The following NLK variants were observed in gnomAD, a reference collection of about 807,000 sequenced individuals.
NLK encodes the protein serine/threonine-protein kinase NLK.
Under a neutral mutation model 59.0 loss-of-function variants are expected in NLK, and 11 were observed. That is an observed-to-expected ratio of 0.19 (90% CI 0.12 to 0.31). The LOEUF (loss-of-function observed/expected upper bound fraction) is 0.31, where lower values mean the gene tolerates loss of function less well. Ranked by LOEUF, NLK falls within the 10% of genes least tolerant of loss-of-function variation. The pLI is 1.00. For missense variants in NLK, 410 were observed against 661.1 expected (o/e 0.62, Z 4.16); for synonymous variants, 235 against 235.9 (o/e 1.00, Z 0.03).
At chr17:28,127,773 A>G (rs1171964500) in intron 2 of NLK, among the ~76,000 whole-genome samples, 1 of 152,230 alleles carries the variant, frequency 6.6e-6, no homozygotes, top group Non-Finnish European at 1.5e-5. Flanking sequence ...AAAAGATACA[A>G]AATAGCCCAG....
chr17:28,097,850 A>G (rs1335892572), intron 1 of NLK, among the ~76,000 whole-genome samples: 2 of 152,238 alleles, frequency 1.3e-5, no homozygotes, highest in East Asian at 3.9e-4. Context: ...TGACAAATTG[A>G]ATTTCCATTT....
chr17:28,123,506 G>A (rs577669744), intron 2 of NLK, among the ~76,000 whole-genome samples: 3 of 152,270 alleles, frequency 2.0e-5, no homozygotes, highest in East Asian at 1.9e-4. Context: ...ATATTTAGCC[G>A]AGGAATAATA....
intron 6 of NLK, among the ~76,000 whole-genome samples, chr17:28,169,721 C>CTTTTTTTTTTTTTTTTTTTTTTT (rs1193124964): frequency 1.8e-5 from 2 of 111,620 alleles, no homozygotes; most frequent in African/African-American, 6.8e-5. Context: ...GCTTCTTCTT[C>CTTTTTTTTTTTTTTTTTTTTTTT]TTTTTTTTTT....
At chr17:28,069,785 C>A (rs976755780) in intron 1 of NLK, among the ~76,000 whole-genome samples, 3 of 152,002 alleles carry the variant, frequency 2.0e-5, no homozygotes, top group African/African-American at 7.3e-5. Context: ...GAATACCAGC[C>A]TTTTGACAGA....
intron 4 of NLK, among the ~76,000 whole-genome samples, chr17:28,162,761 C>G (rs993643950): frequency 6.6e-6 from 1 of 151,958 alleles, no homozygotes; most frequent in Admixed American, 6.6e-5. Context: ...CCAAAAAAGA[C>G]TCAGCCCATT....
Position 28,164,935 on chromosome 17 carries a change from C to T in NLK, c.837+1307C>T, listed in dbSNP as rs372231575. 9.0e-4 allele frequency among the ~76,000 whole-genome samples: 137 copies of T among 151,992 alleles called. 1 individual carries two copies. Among genetic ancestry groups the T allele is most frequent in the African/African-American group, 3.2e-3 (132 of 41,484 alleles). ...ATACTGCTTATGAATGAAAATTCTC[C>T]CTTCATTATAGCCTTGAAGAACCCT... On this transcript the variant is annotated intron_variant, in intron 5 of 10. Transcript: ENST00000407008.
intron 8 of NLK, among the ~76,000 whole-genome samples, chr17:28,190,468 A>C (rs1278711052): frequency 1.3e-5 from 2 of 152,140 alleles, no homozygotes; most frequent in African/African-American, 4.8e-5. Flanking sequence ...GAAAACAAAA[A>C]GCTAGACTAG....
In NLK at chr17:28,167,134, G is replaced by C. The variant is rs113225935; in HGVS notation, c.838-1314G>C. Among the ~76,000 whole-genome samples, 5 of 152,296 alleles carry C rather than the reference G, an allele frequency of 3.3e-5. 1 individual carries two copies. The highest frequency in any genetic ancestry group is 1.2e-4 in the African/African-American group (5 of 41,572). ...TCACATATATTTCATAAAGACGACA[G>C]ACACAGTCTCAGCTAAGGAGACCTT... On this transcript the variant is annotated intron_variant, in intron 5 of 10. Coordinates refer to ENST00000407008, the MANE Select transcript of NLK (RefSeq NM_016231.5).
Position 28,177,304 on chromosome 17 carries a change from A to G in NLK, c.1149+4686A>G, listed in dbSNP as rs76342730. 5.3e-3 allele frequency among the ~76,000 whole-genome samples: 801 copies of G among 152,354 alleles called. 13 individuals carry two copies. The highest frequency in any genetic ancestry group is 0.018 in the African/African-American group (736 of 41,590). ...GTATACATATACAGAAGGAGAACCT[A>G]TTTGACTGTCATCTTAAAGTCACAG... On this transcript the variant is annotated intron_variant, in intron 7 of 10. Transcript: ENST00000407008.
downstream of NLK, among the ~76,000 whole-genome samples, chr17:28,200,368 A>G (rs559821084): frequency 6.6e-6 from 1 of 152,190 alleles, no homozygotes; most frequent in Non-Finnish European, 1.5e-5. Context: ...CTCTTTTTGT[A>G]TATGAATGTC....
rs1279500512 is a variant in NLK, at chr17:28,043,246, C to T, written c.373C>T (p.His125Tyr). The change falls in exon 1 of 11, where the codon CAT becomes TAT. Residue 125 changes from histidine (H) to tyrosine (Y), a missense_variant. His to Tyr is a moderately conservative substitution (Grantham distance 83, BLOSUM62 2). Around this residue, in one of 5 missense-constraint regions of NLK, gnomAD observed 160 missense variants for 171.0 expected, o/e 0.94. Coordinates refer to ENST00000407008, the MANE Select transcript of NLK (RefSeq NM_016231.5). ...AAAAATVKAH[H>Y]HQHSHHPQQQ... ...CGCAGCTGCTACAGTTAAGGCGCAC[C>T]ATCATCAGCACTCGCATCATCCACA... 2 of 1,613,874 alleles carry T rather than the reference C, an allele frequency of 1.2e-6. No individual in the cohort carries two copies. Among genetic ancestry groups the T allele is most frequent in the East Asian group, 2.2e-5 (1 of 44,886 alleles).
At chr17:28,199,238 C>T (rs1038387254), downstream of NLK, among the ~76,000 whole-genome samples, 1 of 152,092 alleles carries the variant, frequency 6.6e-6, no homozygotes, top group Non-Finnish European at 1.5e-5. Context: ...AATTGGAATC[C>T]TTGTGCATTG....
At chr17:28,161,756 T>C (rs968941878) in intron 4 of NLK, among the ~76,000 whole-genome samples, 3 of 152,008 alleles carry the variant, frequency 2.0e-5, no homozygotes, top group African/African-American at 7.3e-5. Context: ...GGAAGACCAA[T>C]AAACAGAGCC....
chr17:28,202,737 C>G, the NLK span, among the ~76,000 whole-genome samples: 1 of 146,318 alleles, frequency 6.8e-6, no homozygotes, highest in African/African-American at 2.5e-5. Flanking sequence ...GGCTAGAGTG[C>G]AATGGTGCAA....
intron 3 of NLK, among the ~76,000 whole-genome samples, chr17:28,149,597 G>A (rs1374178892): frequency 6.6e-6 from 1 of 152,162 alleles, no homozygotes; most frequent in Non-Finnish European, 1.5e-5. Flanking sequence ...TCTTTGTTGT[G>A]CAACTTTGTT....
intron 1 of NLK, among the ~76,000 whole-genome samples, chr17:28,116,799 A>G (rs1905794513): frequency 6.6e-6 from 1 of 152,202 alleles, no homozygotes; most frequent in Non-Finnish European, 1.5e-5. Flanking sequence ...CTGAACACAT[A>G]TCTTTCAGGA....
intron 3 of NLK, among the ~76,000 whole-genome samples, chr17:28,134,695 A>G (rs1198760899): frequency 6.6e-6 from 1 of 152,216 alleles, no homozygotes; most frequent in African/African-American, 2.4e-5. Context: ...TTGTGCAGTG[A>G]AGGGTTATTG....
At chr17:28,088,581 A>G (rs1173497570) in intron 1 of NLK, among the ~76,000 whole-genome samples, 1 of 152,240 alleles carries the variant, frequency 6.6e-6, no homozygotes, top group Admixed American at 6.5e-5. Context: ...TATATTTCAT[A>G]TAGAAAAATA....
intron 5 of NLK, 101 bp from the exon 6 acceptor site, chr17:28,168,347 A>AG: frequency 1.1e-6 from 1 of 874,660 alleles, no homozygotes; most frequent in Non-Finnish European, 1.8e-6. Context: ...AAAAAAAAAA[A>AG]AAAAGTTTCA....
Sources: allele counts gnomAD v4.1 joint callset (sites outside exome capture counted in the v4.1 genomes callset), GRCh38; gene constraint gnomAD v4.1.1; regional missense constraint gnomAD v4.1.1; transcripts MANE v1.5; gene names NCBI Gene and HGNC (gene_info 2026-07-23, HGNC 2026-07-21).